Variants in MRPS28 observed in about 807,000 individuals in gnomAD.
MRPS28 encodes the protein mitochondrial ribosomal protein S28.
In MRPS28, 7 loss-of-function variants were observed where a neutral mutation model predicts 10.8. That is an observed-to-expected ratio of 0.65 (90% CI 0.37 to 1.22). The LOEUF (loss-of-function observed/expected upper bound fraction) is 1.22, where lower values mean the gene tolerates loss of function less well. Among genes scored for constraint, MRPS28 ranks in the 50% most tolerant of loss-of-function variants. MRPS28 has a pLI of 0.02. For missense variants in MRPS28, 265 were observed against 232.9 expected (o/e 1.14, Z -0.90); for synonymous variants, 121 against 93.3 (o/e 1.30, Z -1.71).
At chr8:79,945,091 T>A (rs1173496070) in intron 2 of MRPS28, among the ~76,000 whole-genome samples, 4 of 152,152 alleles carry the variant, frequency 2.6e-5, no homozygotes, top group Admixed American at 6.5e-5. Flanking sequence ...ATGATCTACA[T>A]AGGAACATAT....
At chr8:79,980,373 C>T (rs1388230235) in intron 2 of MRPS28, among the ~76,000 whole-genome samples, 1 of 152,156 alleles carries the variant, frequency 6.6e-6, no homozygotes, top group East Asian at 1.9e-4. Flanking sequence ...ACAATTAAGA[C>T]TTAACAGCTA....
intron 1 of MRPS28, among the ~76,000 whole-genome samples, chr8:80,009,239 A>T (rs1240496587): frequency 2.6e-5 from 4 of 152,164 alleles, no homozygotes; most frequent in African/African-American, 9.7e-5. Flanking sequence ...AAACACCTGG[A>T]CACAGGAAAG....
intron 2 of MRPS28, among the ~76,000 whole-genome samples, chr8:79,953,318 T>C (rs1807125449): frequency 6.6e-6 from 1 of 152,216 alleles, no homozygotes; most frequent in African/African-American, 2.4e-5. Flanking sequence ...GGCAGAGGGT[T>C]CTACCAGAAA....
chr8:79,931,584 T>A (rs1377920322), intron 2 of MRPS28, among the ~76,000 whole-genome samples: 3 of 152,188 alleles, frequency 2.0e-5, no homozygotes, highest in African/African-American at 7.2e-5. Flanking sequence ...TCACCGTAGT[T>A]CCTACCTCAT....
At chr8:80,017,339 A>C (rs1041610719) in intron 1 of MRPS28, among the ~76,000 whole-genome samples, 1 of 152,230 alleles carries the variant, frequency 6.6e-6, no homozygotes, top group Non-Finnish European at 1.5e-5. Context: ...ACGAAAGCAA[A>C]AGTTGGTTAT....
At chr8:79,981,101 G>T (rs1447681607) in intron 2 of MRPS28, among the ~76,000 whole-genome samples, 1 of 152,194 alleles carries the variant, frequency 6.6e-6, no homozygotes, top group Non-Finnish European at 1.5e-5. Context: ...GGCCGAAGCT[G>T]GCAGATTGCT....
intron 2 of MRPS28, among the ~76,000 whole-genome samples, chr8:79,946,977 A>C (rs1806936534): frequency 6.6e-6 from 1 of 152,206 alleles, no homozygotes; most frequent in Non-Finnish European, 1.5e-5. Flanking sequence ...AAGAAATAAG[A>C]AGCAAATACA....
At chr8:79,968,985 AGT>A (rs1807566526) in intron 2 of MRPS28, among the ~76,000 whole-genome samples, 1 of 152,196 alleles carries the variant, frequency 6.6e-6, no homozygotes, top group South Asian at 2.1e-4. Flanking sequence ...GAATAATAAC[AGT>A]GTGTGTCCAA....
At chr8:79,941,940 T>C (rs1428311342) in intron 2 of MRPS28, among the ~76,000 whole-genome samples, 1 of 152,176 alleles carries the variant, frequency 6.6e-6, no homozygotes, top group South Asian at 2.1e-4. Context: ...CTGTGACCAG[T>C]TGCTGTGAAA....
At chr8:80,004,673 C>T (rs1329514184) in intron 1 of MRPS28, among the ~76,000 whole-genome samples, 3 of 151,914 alleles carry the variant, frequency 2.0e-5, no homozygotes, top group African/African-American at 4.8e-5. Flanking sequence ...AGGCTTCAGA[C>T]GATCAAACTT....
chr8:79,956,940 A>G (rs1807230986), intron 2 of MRPS28: 1 of 152,178 alleles, frequency 6.6e-6, no homozygotes. Context: ...CGAATTTAGT[A>G]ACGCCTACAA....
chr8:79,921,107 A>C (rs145814624), intron 2 of MRPS28, among the ~76,000 whole-genome samples: 17,394 of 151,942 alleles, frequency 0.11, 2,307 homozygotes, highest in African/African-American at 0.33. Context: ...TGTAGATATG[A>C]GGCATTATTT....
chr8:79,980,862 G>A (rs1341550892), intron 2 of MRPS28, among the ~76,000 whole-genome samples: 1 of 152,136 alleles, frequency 6.6e-6, no homozygotes, highest in Non-Finnish European at 1.5e-5. Context: ...AAAACATTAG[G>A]AAGATGCTGC....
intron 2 of MRPS28, among the ~76,000 whole-genome samples, chr8:79,931,048 A>T (rs948304431): frequency 3.9e-5 from 6 of 152,222 alleles, no homozygotes; most frequent in Non-Finnish European, 8.8e-5. Context: ...AGGAAAAAAC[A>T]TTCAAATAAT....
chr8:80,006,987 A>G (rs1273637315), intron 1 of MRPS28, among the ~76,000 whole-genome samples: 1 of 152,232 alleles, frequency 6.6e-6, no homozygotes, highest in Admixed American at 6.5e-5. Context: ...ATTTTAGACC[A>G]ATATCCTTGA....
intron 2 of MRPS28, among the ~76,000 whole-genome samples, chr8:79,994,992 C>G (rs368476790): frequency 2.6e-5 from 4 of 152,256 alleles, no homozygotes; most frequent in East Asian, 1.9e-4. Flanking sequence ...CAACCCAGTT[C>G]TATTGTTAGT....
chr8:80,012,814 CAT>C (rs1809090183), intron 1 of MRPS28, among the ~76,000 whole-genome samples: 2 of 152,124 alleles, frequency 1.3e-5, no homozygotes, highest in African/African-American at 2.4e-5. Context: ...ATTCATCAAA[CAT>C]GTGTTGTCTT....
intron 2 of MRPS28, among the ~76,000 whole-genome samples, chr8:79,972,546 C>CA: frequency 6.6e-6 from 1 of 152,270 alleles, no homozygotes; most frequent in East Asian, 1.9e-4. Flanking sequence ...TCTGTTTAAC[C>CA]ACTTGGGGAA....
chr8:80,025,580 A>C (rs770274569), intron 1 of MRPS28, among the ~76,000 whole-genome samples: 3 of 152,234 alleles, frequency 2.0e-5, no homozygotes, highest in Non-Finnish European at 2.9e-5. Context: ...CACACCATGG[A>C]ATACCAAGCA....
Sources: gnomAD v4.1 joint callset for allele counts (sites outside exome capture counted in the v4.1 genomes callset) on GRCh38, gnomAD v4.1.1 for gene constraint, MANE v1.5 for transcripts, NCBI Gene and HGNC (gene_info 2026-07-23, HGNC 2026-07-21) for gene names.